PDE11A: variants seen among roughly 807,000 people sequenced by gnomAD.
PDE11A encodes the protein dual 3',5'-cyclic-AMP and -GMP phosphodiesterase 11A.
In PDE11A, 100 loss-of-function variants were observed where a neutral mutation model predicts 100.5. The observed-to-expected ratio is 1.00, with a 90% CI of 0.85 to 1.18. The LOEUF is 1.18. PDE11A is among the 50% of genes most tolerant of loss of function. The pLI, the probability that PDE11A is intolerant of heterozygous loss-of-function variation, is 0.00. For missense variants in PDE11A, 1,141 were observed against 1,152.6 expected (o/e 0.99, Z 0.15); for synonymous variants, 381 against 420.8 (o/e 0.91, Z 1.16).
At chr2:177,958,441 T>G (rs1448970353) in intron 2 of PDE11A, among the ~76,000 whole-genome samples, 2 of 152,308 alleles carry the variant, frequency 1.3e-5, no homozygotes, top group African/African-American at 4.8e-5. Context: ...ATTTTGGATG[T>G]GGAAAGAAAA....
intron 1 of PDE11A, among the ~76,000 whole-genome samples, chr2:178,016,827 G>A (rs1202139826): frequency 6.6e-6 from 1 of 152,194 alleles, no homozygotes; most frequent in Non-Finnish European, 1.5e-5. Flanking sequence ...GGCTAGAGTA[G>A]AGGGAGACAA....
rs2081362812 is a variant in PDE11A, at chr2:177,711,816, C to T, written c.2106G>A (p.Leu702=). The change falls in exon 13 of 20, where the codon CTG becomes CTA. Residue 702 remains leucine, a synonymous_variant. Transcript: ENST00000286063. ...TTCCCCTGTGGTCGAGGTCATGACA[C>T]AGGCATCCCACAATCACCGCTAAAA... ...VEILAVIVGC[L]CHDLDHRGTN... The T allele has an allele frequency of 1.2e-6, 2 of 1,612,500 alleles. No individual in the cohort carries two copies. The highest frequency in any genetic ancestry group is 1.7e-6 in the Non-Finnish European group (2 of 1,178,506).
At chr2:177,896,842 G>T (rs1295373591) in intron 4 of PDE11A, among the ~76,000 whole-genome samples, 1 of 152,138 alleles carries the variant, frequency 6.6e-6, no homozygotes, top group African/African-American at 2.4e-5. Flanking sequence ...GTGTGTGTGT[G>T]CATGTTCTCC....
chr2:178,072,260 T>A lies in PDE11A; in HGVS notation c.178A>T (p.Ser60Cys). 6.2e-7 allele frequency: 1 copy of A among 1,613,672 alleles called. No individual in the cohort carries two copies. Among genetic ancestry groups the A allele is most frequent in the Non-Finnish European group, 8.5e-7 (1 of 1,179,748 alleles). Residue 60 changes from serine to cysteine, a missense_variant, in exon 1 of 20, where the codon AGC (serine) becomes TGC (cysteine). Physicochemically the swap from Ser to Cys is moderately radical, Grantham distance 112 (BLOSUM62 -1). Transcript: ENST00000286063. ...CCTCTGCAGGTGCTGTGAGCCAAGCTGCTGGTACCAGCCAAAGAGGGCCTT... is the reference window on the plus strand; with the variant it reads ...CCTCTGCAGGTGCTGTGAGCCAAGCAGCTGGTACCAGCCAAAGAGGGCCTT... ...GPRPSLAGTSSLAHSTCRGGS... is the reference protein window; with the variant it reads ...GPRPSLAGTSCLAHSTCRGGS...
At chr2:177,696,463 G>A (rs2081113597) in intron 15 of PDE11A, among the ~76,000 whole-genome samples, 1 of 152,070 alleles carries the variant, frequency 6.6e-6, no homozygotes, top group Admixed American at 6.6e-5. Context: ...TAAACCTTCA[G>A]ATATCTCAGA....
chr2:177,957,097 A>AG (rs959086587), intron 2 of PDE11A, among the ~76,000 whole-genome samples: 1 of 152,130 alleles, frequency 6.6e-6, no homozygotes, highest in East Asian at 1.9e-4. Flanking sequence ...ACAAAAAAAA[A>AG]CAAACAAGGG....
At chr2:178,087,307 C>T (rs981553689) in intron 2 of PDE11A, among the ~76,000 whole-genome samples, 8 of 151,042 alleles carry the variant, frequency 5.3e-5, no homozygotes, top group East Asian at 3.9e-4. Context: ...GAGCCAAGAT[C>T]GCGCCATTAC....
intron 13 of PDE11A, among the ~76,000 whole-genome samples, chr2:177,709,356 C>T (rs1343334062): frequency 6.6e-6 from 1 of 152,122 alleles, no homozygotes; most frequent in Admixed American, 6.5e-5. Context: ...AGAAGCAGTC[C>T]TTGCTGTAAG....
intron 2 of PDE11A, among the ~76,000 whole-genome samples, chr2:178,000,561 T>C (rs994963040): frequency 6.6e-6 from 1 of 152,158 alleles, no homozygotes; most frequent in Admixed American, 6.5e-5. Flanking sequence ...TTGAGGAAAA[T>C]ATAATAAACA....
chr2:177,770,938 C>T (rs2082302777), intron 9 of PDE11A, among the ~76,000 whole-genome samples: 1 of 152,158 alleles, frequency 6.6e-6, no homozygotes, highest in Non-Finnish European at 1.5e-5. Flanking sequence ...GCGATTCTCT[C>T]ACCTCAGCAT....
At chr2:177,761,010 G>C (rs182904324) in intron 10 of PDE11A, among the ~76,000 whole-genome samples, 1 of 152,298 alleles carries the variant, frequency 6.6e-6, no homozygotes, top group Admixed American at 6.5e-5. Flanking sequence ...AAAGCATTAG[G>C]TGTTTTGAAG....
At chr2:177,946,110 T>C in intron 2 of PDE11A, among the ~76,000 whole-genome samples, 1 of 67,818 alleles carries the variant, frequency 1.5e-5, no homozygotes, top group East Asian at 4.7e-4. Context: ...TGGGGGGGGG[T>C]CAGCCCTCCG....
chr2:178,094,703 C>T (rs2087467448), intron 2 of PDE11A, among the ~76,000 whole-genome samples: 1 of 151,858 alleles, frequency 6.6e-6, no homozygotes, highest in African/African-American at 2.4e-5. Context: ...AAAGAAATAC[C>T]CAAGACTGGG....
At chr2:178,055,296 A>G (rs2086884234) in intron 1 of PDE11A, among the ~76,000 whole-genome samples, 1 of 140,254 alleles carries the variant, frequency 7.1e-6, no homozygotes, top group Non-Finnish European at 1.5e-5. Flanking sequence ...GAACTGAACA[A>G]TGAGAACACT....
intron 6 of PDE11A, among the ~76,000 whole-genome samples, chr2:177,824,871 G>C (rs1035305631): frequency 1.3e-5 from 2 of 151,978 alleles, no homozygotes; most frequent in Non-Finnish European, 2.9e-5. Context: ...GTATACAAAA[G>C]CATATTATAT....
chr2:177,665,808 A>T (rs1479743384), intron 18 of PDE11A, among the ~76,000 whole-genome samples: 2 of 151,168 alleles, frequency 1.3e-5, no homozygotes, highest in Non-Finnish European at 2.9e-5. Context: ...AGTGAGCCAA[A>T]ATTGTGCCAC....
chr2:178,096,343 T>G (rs1393524571), intron 2 of PDE11A, among the ~76,000 whole-genome samples: 1 of 149,490 alleles, frequency 6.7e-6, no homozygotes, highest in Non-Finnish European at 1.5e-5. Context: ...TTTTTTTTTT[T>G]TTTGTATTTT....
chr2:177,947,383 G>A lies in PDE11A; in HGVS notation c.1072-42196C>T, dbSNP rs538381625. Among the ~76,000 whole-genome samples the A allele has an allele frequency of 1.1e-4, 16 of 152,112 alleles. No individual in the cohort carries two copies. The East Asian group carries it at 3.1e-3, about 29-fold the overall frequency. On this transcript the variant is annotated intron_variant, in intron 2 of 19. Coordinates refer to ENST00000286063, the MANE Select transcript of PDE11A (RefSeq NM_016953.4). ...GATGGTTGCCGTGTCTGTGTAGAAG[G>A]AAGTAGACATGGGAGACTTTTCATT...
At position 177,697,383 on chromosome 2, in the gene PDE11A, A is replaced by G; in HGVS notation, c.2294T>C (p.Met765Thr). The G allele has an allele frequency of 1.2e-6, 2 of 1,603,526 alleles. No individual in the cohort carries two copies. Among genetic ancestry groups the G allele is most frequent in the Non-Finnish European group, 1.7e-6 (2 of 1,170,498 alleles). ...NLSSKEYSDLMQLLKQSILAT... is the reference protein window; with the variant it reads ...NLSSKEYSDLTQLLKQSILAT... Reference sequence around the variant, plus strand: ...CAATATTGACTGCTTCAAAAGCTGCATAAGGTCACTATATTCCTTGGAGGA... The same window carrying G: ...CAATATTGACTGCTTCAAAAGCTGCGTAAGGTCACTATATTCCTTGGAGGA... Residue 765 changes from methionine to threonine, a missense_variant, in exon 15 of 20, where the codon ATG becomes ACG. Transcript: ENST00000286063.
Sources: allele counts gnomAD v4.1 joint callset (sites outside exome capture counted in the v4.1 genomes callset), GRCh38; gene constraint gnomAD v4.1.1; transcripts MANE v1.5; gene names NCBI Gene and HGNC (gene_info 2026-07-23, HGNC 2026-07-21).